The following PIGU variants were observed in gnomAD, a reference collection of about 807,000 sequenced individuals.
The protein encoded by PIGU is GPI-anchor transamidase component PIGU.
A neutral mutation model predicts 49.9 loss-of-function variants in PIGU; 24 were observed. The observed-to-expected ratio is 0.48, with a 90% CI of 0.35 to 0.68. PIGU has a LOEUF of 0.68. Ranked by LOEUF, PIGU falls within the 30% of genes least tolerant of loss-of-function variation. PIGU has a pLI of 0.01. For missense variants in PIGU, 490 were observed against 532.6 expected (o/e 0.92, Z 0.79); for synonymous variants, 220 against 205.7 (o/e 1.07, Z -0.59).
intron 1 of PIGU, among the ~76,000 whole-genome samples, chr20:34,675,441 G>A (rs956752602): frequency 7.2e-5 from 11 of 152,000 alleles, no homozygotes; most frequent in Admixed American, 6.6e-5. Context: ...AAAATAATAC[G>A]CAGAGGTAAC....
intron 1 of PIGU, among the ~76,000 whole-genome samples, chr20:34,673,815 G>A (rs1430857912): frequency 1.3e-5 from 2 of 151,824 alleles, no homozygotes; most frequent in Non-Finnish European, 2.9e-5. Flanking sequence ...AGCACTTTGG[G>A]AGGCCAAGGC....
chr20:34,659,565 T>C (rs923666020), intron 1 of PIGU, among the ~76,000 whole-genome samples: 19 of 152,140 alleles, frequency 1.2e-4, no homozygotes, highest in African/African-American at 3.1e-4. Flanking sequence ...CAACAGCTCA[T>C]TGAGAACGGG....
chr20:34,635,181 C>T (rs1302142567), intron 5 of PIGU, among the ~76,000 whole-genome samples: 2 of 152,134 alleles, frequency 1.3e-5, no homozygotes, highest in Non-Finnish European at 2.9e-5. Context: ...CCCACAGAGC[C>T]ACATATCTCA....
At chr20:34,616,442 A>C (rs1302470722) in intron 6 of PIGU, among the ~76,000 whole-genome samples, 3 of 152,206 alleles carry the variant, frequency 2.0e-5, no homozygotes, top group Non-Finnish European at 2.9e-5. Flanking sequence ...AGATGTATAA[A>C]GGGATCAAGT....
chr20:34,588,220 C>A (rs1418809047), intron 8 of PIGU, among the ~76,000 whole-genome samples: 1 of 151,736 alleles, frequency 6.6e-6, no homozygotes, highest in Non-Finnish European at 1.5e-5. Context: ...CCACTGCACT[C>A]CAGACTGGGC....
rs141958252 is a variant in PIGU, at chr20:34,607,279, C to T, written c.627+8763G>A. 3.0e-3 allele frequency among the ~76,000 whole-genome samples: 453 copies of T among 152,292 alleles called. 2 individuals are homozygous for T. The highest frequency in any genetic ancestry group is 0.01 in the African/African-American group (431 of 41,560). ...CTGGACCCCTGACCTAAAGTGAGAACTTCACATCCCTGTTGCCTTTTCCAA... is the reference window on the plus strand; with the variant it reads ...CTGGACCCCTGACCTAAAGTGAGAATTTCACATCCCTGTTGCCTTTTCCAA... On this transcript the variant is annotated intron_variant, in intron 7 of 11. Transcript: ENST00000217446.
At chr20:34,587,504 T>C (rs1234029107) in intron 8 of PIGU, among the ~76,000 whole-genome samples, 3 of 152,234 alleles carry the variant, frequency 2.0e-5, no homozygotes, top group African/African-American at 7.2e-5. Context: ...TGGGAACGAT[T>C]GAAATTTACT....
intron 11 of PIGU, among the ~76,000 whole-genome samples, chr20:34,564,262 A>G (rs1982650810): frequency 6.6e-6 from 1 of 152,358 alleles, no homozygotes; most frequent in Admixed American, 6.5e-5. Context: ...ACGGTAAAAT[A>G]TAAGATGTTA....
intron 11 of PIGU, among the ~76,000 whole-genome samples, chr20:34,563,315 C>A (rs1055852668): frequency 2.0e-5 from 3 of 152,142 alleles, no homozygotes; most frequent in African/African-American, 4.8e-5. Flanking sequence ...TGCCTGTAAT[C>A]CCAGCACTTT....
chr20:34,637,140 A>G (rs1985993583), intron 5 of PIGU, among the ~76,000 whole-genome samples: 1 of 152,222 alleles, frequency 6.6e-6, no homozygotes. Context: ...AAATCCACAC[A>G]CAAGGCAGAA....
intron 1 of PIGU, among the ~76,000 whole-genome samples, chr20:34,670,730 G>A (rs781145403): frequency 2.0e-5 from 3 of 152,002 alleles, no homozygotes; most frequent in Non-Finnish European, 4.4e-5. Flanking sequence ...TTTTTGTAGA[G>A]GTGGGGTTTC....
At chr20:34,664,758 G>A (rs1267171381) in intron 1 of PIGU, among the ~76,000 whole-genome samples, 4 of 152,146 alleles carry the variant, frequency 2.6e-5, no homozygotes, top group Admixed American at 2.0e-4. Flanking sequence ...GAGAGGCCAA[G>A]GAGGGTATAT....
chr20:34,670,704 T>A (rs1196454059), intron 1 of PIGU, among the ~76,000 whole-genome samples: 1 of 152,116 alleles, frequency 6.6e-6, no homozygotes, highest in African/African-American at 2.4e-5. Flanking sequence ...CATACCCACC[T>A]AATTTTTGTA....
intron 11 of PIGU, among the ~76,000 whole-genome samples, chr20:34,563,426 G>GCAT (rs61475210): frequency 0.057 from 8,699 of 152,148 alleles, 809 homozygotes; most frequent in African/African-American, 0.2. Flanking sequence ...AATTAGCCGG[G>GCAT]CATGGTGGCG....
chr20:34,646,063 T>C (rs1236289838), intron 2 of PIGU, among the ~76,000 whole-genome samples: 2 of 152,142 alleles, frequency 1.3e-5, no homozygotes, highest in Non-Finnish European at 2.9e-5. Flanking sequence ...TCTGATAAGT[T>C]TGTATAATAT....
chr20:34,605,556 G>T (rs1984580309), intron 7 of PIGU, among the ~76,000 whole-genome samples: 1 of 152,144 alleles, frequency 6.6e-6, no homozygotes, highest in Admixed American at 6.6e-5. Flanking sequence ...GCCCTCATCA[G>T]ACTCTGTTCT....
Position 34,598,129 on chromosome 20 carries a change from C to T in PIGU, c.628-9522G>A, listed in dbSNP as rs552125865. Among the ~76,000 whole-genome samples, 6 of 151,922 alleles carry T rather than the reference C, an allele frequency of 3.9e-5. No individual in the cohort carries two copies. The East Asian group carries it at 9.7e-4, about 25-fold the overall frequency. On this transcript the variant is annotated intron_variant, in intron 7 of 11. Transcript: ENST00000217446. ...GAAGGAGTGCAGTGTAGAAGGAGGA[C>T]GTACAGGGCTTCTAAAGGACTAGAA... is the stretch of plus-strand genomic sequence containing the variant.
At chr20:34,588,373 A>C (rs1983786517) in intron 8 of PIGU, 80 bp downstream of exon 8, 1 of 1,255,512 alleles carries the variant, frequency 8.0e-7, no homozygotes. Flanking sequence ...GGCTGTACTA[A>C]TTTACATTCT....
chr20:34,648,498 A>T (rs1986426023), intron 2 of PIGU, among the ~76,000 whole-genome samples: 1 of 152,022 alleles, frequency 6.6e-6, no homozygotes, highest in Admixed American at 6.6e-5. Context: ...TTTTTCTGTC[A>T]TTTTACTTTC....
Sources: allele counts gnomAD v4.1 joint callset (sites outside exome capture counted in the v4.1 genomes callset), GRCh38; gene constraint gnomAD v4.1.1; transcripts MANE v1.5; gene names NCBI Gene and HGNC (gene_info 2026-07-23, HGNC 2026-07-21).